Variants in GREM2 observed in about 807,000 individuals in gnomAD.
The protein encoded by GREM2 is gremlin 2, DAN family BMP antagonist.
In GREM2, 11 loss-of-function variants were observed where a neutral mutation model predicts 14.2. The observed-to-expected ratio is 0.78, with a 90% CI of 0.49 to 1.28. GREM2 has a LOEUF of 1.28. Ranked by LOEUF, GREM2 falls within the 50% of genes most tolerant of loss-of-function variation. GREM2 has a pLI of 0.00. For missense variants in GREM2, 210 were observed against 218.5 expected, an observed-to-expected ratio of 0.96 and a Z score of 0.24; for synonymous variants, 98 against 97.6, an observed-to-expected ratio of 1.00 and a Z score of -0.02.
At chr1:240,523,733 T>C (rs1678157643) in intron 1 of GREM2, among the ~76,000 whole-genome samples, 1 of 152,152 alleles carries the variant, frequency 6.6e-6, no homozygotes, top group Non-Finnish European at 1.5e-5. Context: ...TACACATGGG[T>C]TACTTAAATA....
intron 1 of GREM2, among the ~76,000 whole-genome samples, chr1:240,507,649 A>G (rs76212794): frequency 0.018 from 2,769 of 152,226 alleles, 40 homozygotes; most frequent in African/African-American, 0.028. Flanking sequence ...CCAGCTTTTC[A>G]AGGAAGTAAG....
chr1:240,518,517 TGG>T (rs1346357048), intron 1 of GREM2, among the ~76,000 whole-genome samples: 3 of 152,076 alleles, frequency 2.0e-5, no homozygotes, highest in African/African-American at 7.3e-5. Context: ...CCTTAGTTTT[TGG>T]GTTTTTTTAA....
intron 1 of GREM2, among the ~76,000 whole-genome samples, chr1:240,508,642 A>G (rs906190218): frequency 6.6e-6 from 1 of 152,228 alleles, no homozygotes; most frequent in South Asian, 2.1e-4. Flanking sequence ...TTTTTAATAC[A>G]TTGTTTCCAA....
intron 1 of GREM2, among the ~76,000 whole-genome samples, chr1:240,512,875 AAC>A (rs1478098952): frequency 6.6e-6 from 1 of 152,132 alleles, no homozygotes; most frequent in Non-Finnish European, 1.5e-5. Context: ...TCCATTAGAC[AAC>A]ACTACTTTGG....
chr1:240,531,049 T>A (rs191351937), intron 1 of GREM2, among the ~76,000 whole-genome samples: 1 of 152,330 alleles, frequency 6.6e-6, no homozygotes, highest in African/African-American at 2.4e-5. Context: ...TTCTGTTAAA[T>A]CTTCAATCAG....
chr1:240,605,740 G>A (rs1010486314), intron 1 of GREM2, among the ~76,000 whole-genome samples: 3 of 151,802 alleles, frequency 2.0e-5, no homozygotes, highest in South Asian at 4.1e-4. Context: ...GAAAGTCAGC[G>A]TGCATTCCAG....
intron 1 of GREM2, among the ~76,000 whole-genome samples, chr1:240,571,331 A>G (rs1297216885): frequency 6.6e-6 from 1 of 152,180 alleles, no homozygotes; most frequent in Non-Finnish European, 1.5e-5. Context: ...AAAGGTTTGA[A>G]TTGGCCAATT....
chr1:240,544,841 C>A (rs942652572), intron 1 of GREM2, among the ~76,000 whole-genome samples: 8 of 152,154 alleles, frequency 5.3e-5, no homozygotes, highest in African/African-American at 1.4e-4. Flanking sequence ...AACTATCAGG[C>A]CTCTCTGGAT....
At chr1:240,523,838 T>G (rs559222540) in intron 1 of GREM2, among the ~76,000 whole-genome samples, 140 of 152,310 alleles carry the variant, frequency 9.2e-4, no homozygotes, top group African/African-American at 3.3e-3. Flanking sequence ...TTCCAAACAG[T>G]CTTCCTTAGA....
At chr1:240,524,730 G>T (rs1678184340) in intron 1 of GREM2, among the ~76,000 whole-genome samples, 1 of 152,166 alleles carries the variant, frequency 6.6e-6, no homozygotes, top group Non-Finnish European at 1.5e-5. Context: ...ATACTAGAAT[G>T]AAATGTGTTT....
intron 1 of GREM2, among the ~76,000 whole-genome samples, chr1:240,594,726 A>ATG (rs1475237162): frequency 6.6e-6 from 1 of 151,840 alleles, no homozygotes; most frequent in Non-Finnish European, 1.5e-5. Flanking sequence ...ATTTATATAT[A>ATG]TGTATATATA....
chr1:240,588,503 C>T (rs561354003), intron 1 of GREM2: 1 of 152,302 alleles, frequency 6.6e-6, no homozygotes, highest in Middle Eastern at 3.4e-3. Context: ...CTTCTTACGC[C>T]TTGTCACCGT....
In GREM2 at chr1:240,578,784, A is replaced by AAAAATAAAATAAAAT. The variant is rs150700705; in HGVS notation, c.-2+33085_-2+33099dup. Among the ~76,000 whole-genome samples the AAAAATAAAATAAAAT allele has an allele frequency of 3.5e-4, 51 of 147,100 alleles. No homozygotes were observed. In the East Asian group the frequency reaches 3.5e-3, roughly 10 times the overall value. On this transcript the variant is annotated intron_variant, in intron 1 of 1. Coordinates refer to ENST00000318160, the MANE Select transcript of GREM2 (RefSeq NM_022469.4). ...GGGTAACAGAGTGACACTCAGTCTC[A>AAAAATAAAATAAAAT]AAAATAAAATAAAATAAAATAAAAT...
chr1:240,511,237 G>A (rs2103290695), intron 1 of GREM2, among the ~76,000 whole-genome samples: 1 of 152,116 alleles, frequency 6.6e-6, no homozygotes, highest in East Asian at 1.9e-4. Flanking sequence ...ATATCCATAG[G>A]TTCCACATCT....
At chr1:240,519,981 G>C (rs2103301350) in intron 1 of GREM2, among the ~76,000 whole-genome samples, 1 of 152,218 alleles carries the variant, frequency 6.6e-6, no homozygotes, top group East Asian at 1.9e-4. Flanking sequence ...TCAGGAGGCT[G>C]AGGCATGAGA....
chr1:240,584,485 A>T (rs1395730401), intron 1 of GREM2, among the ~76,000 whole-genome samples: 1 of 136,156 alleles, frequency 7.3e-6, no homozygotes, highest in Non-Finnish European at 1.5e-5. Context: ...ACAGAGCGAG[A>T]CTCCATCTCA....
intron 1 of GREM2, among the ~76,000 whole-genome samples, chr1:240,607,942 A>C (rs931616149): frequency 9.2e-5 from 14 of 152,264 alleles, no homozygotes; most frequent in African/African-American, 3.4e-4. Context: ...GGAATTAAAC[A>C]CAAGAATGTA....
chr1:240,609,159 A>G (rs545795023), intron 1 of GREM2, among the ~76,000 whole-genome samples: 1 of 152,048 alleles, frequency 6.6e-6, no homozygotes, highest in Non-Finnish European at 1.5e-5. Flanking sequence ...AAGCATGTCA[A>G]TCTTTATATC....
At position 240,494,826 on chromosome 1, in the gene GREM2, G is replaced by A. The variant is rs532092601; in HGVS notation, c.-1-1350C>T. 1.5e-3 allele frequency among the ~76,000 whole-genome samples: 230 copies of A among 152,238 alleles called. 1 individual carries two copies. The highest frequency in any genetic ancestry group is 3.1e-3 in the African/African-American group (129 of 41,544). ...TGAGGCAGGAGAATGGCGTGAACCC[G>A]GGAGGCGGAGCTTGCAATGAGCCGA... On this transcript the variant is annotated intron_variant, in intron 1 of 1. Transcript: ENST00000318160.
Sources: allele counts gnomAD v4.1 joint callset (sites outside exome capture counted in the v4.1 genomes callset), GRCh38; gene constraint gnomAD v4.1.1; transcripts MANE v1.5; gene names NCBI Gene and HGNC (gene_info 2026-07-23, HGNC 2026-07-21).